CDK13: variants seen among roughly 807,000 people sequenced by gnomAD.
The protein encoded by CDK13 is cyclin dependent kinase 13, also known as cyclin-dependent kinase 13.
CDK13 carries 40 observed loss-of-function variants against 137.6 expected under a neutral mutation model. The observed-to-expected ratio is 0.29, with a 90% CI of 0.23 to 0.38. The LOEUF is 0.38. Among genes scored for constraint, CDK13 ranks in the 10% least tolerant of loss-of-function variants. The pLI is 1.00. For missense variants in CDK13, 1,704 were observed against 1,951.8 expected (o/e 0.87, Z 2.39); for synonymous variants, 869 against 760.1 (o/e 1.14, Z -2.36).
At position 40,086,809 on chromosome 7, in the gene CDK13, C is replaced by CTT. The variant is rs35337864; in HGVS notation, c.3030-1297_3030-1296dup. Among the ~76,000 whole-genome samples the CTT allele has an allele frequency of 4.3e-3, 527 of 122,420 alleles. 11 individuals carry two copies. The highest frequency in any genetic ancestry group is 0.033 in the East Asian group (129 of 3,906). 80.3% of individuals were successfully genotyped at this position (122,420 alleles called of 152,430 possible). On this transcript the variant is annotated intron_variant, in intron 11 of 13. Transcript: ENST00000181839. ...ACAAATGTTATGTTCTAGCCTTACT[C>CTT]TTTTTTTTTTTTTTTTTTTTTGAGA...
chr7:40,069,550 T>G (rs1307948799), intron 9 of CDK13: 4 of 298,414 alleles, frequency 1.3e-5, no homozygotes, highest in Non-Finnish European at 1.4e-5. Flanking sequence ...TCAGTACATA[T>G]TTCTTCCCTC....
At chr7:40,074,256 C>T (rs1786489834) in intron 9 of CDK13, among the ~76,000 whole-genome samples, 1 of 152,002 alleles carries the variant, frequency 6.6e-6, no homozygotes, top group African/African-American at 2.4e-5. Context: ...GGTGCGGTGG[C>T]TCACGCCCAT....
Position 39,950,275 on chromosome 7 carries a change from C to T in CDK13, c.-367C>T, listed in dbSNP as rs908119296. 5.7e-6 allele frequency: 6 copies of T among 1,057,280 alleles called. No homozygotes were observed. Among genetic ancestry groups the T allele is most frequent in the East Asian group, 1.3e-4 (2 of 15,386 alleles). The allele number at this position is 1,057,280 out of a possible 1,614,324, so 65.5% of individuals were successfully genotyped here. A position where few individuals can be genotyped will look rare whatever the true frequency, so the allele number is the denominator to read the frequency against. On this transcript the variant is annotated 5_prime_UTR_variant, in exon 1 of 14. Transcript: ENST00000181839. ...GGTGGTACTTCCGCGTTGCGCTGCCCGAGCCGAGAGCGCGGCCAAGGCCGC... is the reference window on the plus strand; with the variant it reads ...GGTGGTACTTCCGCGTTGCGCTGCCTGAGCCGAGAGCGCGGCCAAGGCCGC...
chr7:40,021,974 C>T (rs1785136154), intron 5 of CDK13, among the ~76,000 whole-genome samples: 1 of 152,184 alleles, frequency 6.6e-6, no homozygotes. Flanking sequence ...TGTTCCCACT[C>T]CCAGTTGTAG....
chr7:39,970,161 C>T (rs751680083), intron 1 of CDK13, among the ~76,000 whole-genome samples: 3 of 151,888 alleles, frequency 2.0e-5, no homozygotes, highest in Non-Finnish European at 4.4e-5. Context: ...TGTGCCATCA[C>T]GCCCAGCTAA....
At chr7:40,094,040 T>C (rs1250771813) in intron 13 of CDK13, 90 bp from the exon 14 acceptor site, 2 of 1,431,590 alleles carry the variant, frequency 1.4e-6, no homozygotes, top group Non-Finnish European at 1.9e-6. Flanking sequence ...TCTAATCATC[T>C]TTAGAACTAC....
Position 40,098,053 on chromosome 7 carries a change from A to G in CDK13, c.*3073A>G, listed in dbSNP as rs1787081238. On this transcript the variant is annotated 3_prime_UTR_variant, in exon 14 of 14. Transcript: ENST00000181839. ...ATTTGCTACCCTCAGCTGTATCTAA[A>G]TTGCACTTAAGTGAATGTAGGGCAT... is the stretch of plus-strand genomic sequence containing the variant. The G allele has an allele frequency of 6.6e-6, 1 of 152,096 alleles. No homozygotes were observed. Among genetic ancestry groups the G allele is most frequent in the South Asian group, 2.1e-4 (1 of 4,830 alleles). 9.4% of individuals were successfully genotyped at this position (152,096 alleles called of 1,614,324 possible).
chr7:40,096,450 TATACTA>T lies in CDK13; in HGVS notation c.*1473_*1478del, dbSNP rs899598109. 5 of 152,182 alleles carry T rather than the reference TATACTA, an allele frequency of 3.3e-5. No individual in the cohort carries two copies. Among genetic ancestry groups the T allele is most frequent in the African/African-American group, 1.2e-4 (5 of 41,462 alleles). 9.4% of individuals were successfully genotyped at this position (152,182 alleles called of 1,614,324 possible). On this transcript the variant is annotated 3_prime_UTR_variant, in exon 14 of 14. Transcript: ENST00000181839. The stretch of plus-strand genomic sequence containing the variant: ...ACACTCTCACACATACACACACAAT[TATACTA>T]ATTCTAGAAAGGAACCAAAGGTAAA...
At chr7:40,061,181 G>A (rs1293305045) in intron 7 of CDK13, 1 of 152,132 alleles carries the variant, frequency 6.6e-6, no homozygotes, top group Non-Finnish European at 1.5e-5. Context: ...TGCTCATTAT[G>A]TGAAGATAAG....
At chr7:40,009,011 G>A (rs1784845459) in intron 5 of CDK13, among the ~76,000 whole-genome samples, 1 of 152,122 alleles carries the variant, frequency 6.6e-6, no homozygotes, top group South Asian at 2.1e-4. Context: ...GGGCAGAAGA[G>A]GAGAAAGAAG....
In CDK13 at chr7:40,047,746, G is replaced by C. The variant is rs1006640829; in HGVS notation, c.2544-75G>C. The C allele has an allele frequency of 6.1e-6, 6 of 979,908 alleles. No individual in the cohort carries two copies. The Admixed American group carries it at 8.6e-5, about 14-fold the overall frequency. The allele number at this position is 979,908 out of a possible 1,614,324, so 60.7% of individuals were successfully genotyped here. A position where few individuals can be genotyped will look rare whatever the true frequency, so the allele number is the denominator to read the frequency against. On this transcript the variant is annotated intron_variant, in intron 6 of 13. Coordinates refer to ENST00000181839, the MANE Select transcript of CDK13 (RefSeq NM_003718.5). ...GTTTTTTTTTTTTAATCAGTTCTAG[G>C]CATAGAATATAAATGTGTATTGTCA...
At chr7:40,034,230 C>T (rs1785437188) in intron 5 of CDK13, among the ~76,000 whole-genome samples, 1 of 152,126 alleles carries the variant, frequency 6.6e-6, no homozygotes, top group Admixed American at 6.5e-5. Flanking sequence ...TAATGGTTCC[C>T]AAGGAGCTTT....
chr7:39,966,685 C>T (rs183663139), intron 1 of CDK13, among the ~76,000 whole-genome samples: 49 of 152,242 alleles, frequency 3.2e-4, no homozygotes, highest in East Asian at 3.1e-3. Flanking sequence ...GGAGGAGAGG[C>T]GCTCTGATTT....
intron 6 of CDK13, among the ~76,000 whole-genome samples, chr7:40,046,490 T>C (rs368880806): frequency 6.9e-6 from 1 of 144,418 alleles, no homozygotes; most frequent in Non-Finnish European, 1.5e-5. Context: ...ACCAAAAAAA[T>C]AGAAAAGTTA....
intron 9 of CDK13, among the ~76,000 whole-genome samples, chr7:40,069,087 A>G (rs1174993625): frequency 6.6e-6 from 1 of 152,164 alleles, no homozygotes; most frequent in Non-Finnish European, 1.5e-5. Flanking sequence ...TACAAAAATT[A>G]GGTGGGTGTG....
intron 10 of CDK13, 150 bp from the exon 11 acceptor site, chr7:40,078,570 A>T (rs956606740): frequency 5.7e-6 from 2 of 350,902 alleles, no homozygotes; most frequent in African/African-American, 4.2e-5. Context: ...GAAGTAAAGT[A>T]TTATGCACAT....
At chr7:40,023,213 C>G (rs1313390528) in intron 5 of CDK13, among the ~76,000 whole-genome samples, 1 of 151,612 alleles carries the variant, frequency 6.6e-6, no homozygotes, top group Admixed American at 6.6e-5. Context: ...ATGTCTCAGT[C>G]TCCTGAGTAA....
Position 40,042,907 on chromosome 7 carries a change from A to G in CDK13, c.2354-2929A>G, listed in dbSNP as rs531396175. On this transcript the variant is annotated intron_variant, in intron 5 of 13. Transcript: ENST00000181839. Reference sequence around the variant, plus strand: ...GTCCTCCTGCCTCAGCCCCCCAAGTAGCTAGAATTACAGGTGTGCACTACC... The same window carrying G: ...GTCCTCCTGCCTCAGCCCCCCAAGTGGCTAGAATTACAGGTGTGCACTACC... 8.6e-5 allele frequency among the ~76,000 whole-genome samples: 13 copies of G among 151,916 alleles called. No individual in the cohort carries two copies. The Middle Eastern group carries it at 0.01, about 119-fold the overall frequency.
chr7:40,032,177 C>A (rs1785394685), intron 5 of CDK13, among the ~76,000 whole-genome samples: 1 of 152,162 alleles, frequency 6.6e-6, no homozygotes, highest in South Asian at 2.1e-4. Context: ...CCACCTCAGC[C>A]TCCTGAGTAG....
Sources: allele counts gnomAD v4.1 joint callset (sites outside exome capture counted in the v4.1 genomes callset), GRCh38; gene constraint gnomAD v4.1.1; transcripts MANE v1.5; gene names NCBI Gene and HGNC (gene_info 2026-07-23, HGNC 2026-07-21).